The following WDFY4 variants were observed in gnomAD, a reference collection of about 807,000 sequenced individuals.
The protein encoded by WDFY4 is WD repeat- and FYVE domain-containing protein 4.
Under a neutral mutation model 351.9 loss-of-function variants are expected in WDFY4, and 169 were observed. The observed-to-expected ratio is 0.48, with a 90% CI of 0.42 to 0.55. The LOEUF is 0.55. Among genes scored for constraint, WDFY4 ranks in the 20% least tolerant of loss-of-function variants. The pLI, the probability that WDFY4 is intolerant of heterozygous loss-of-function variation, is 0.00. For synonymous variants in WDFY4, 1,622 were observed against 1,574.6 expected (o/e 1.03, Z -0.71); for missense variants, 3,803 against 3,935.6 (o/e 0.97, Z 0.90).
At position 48,743,603 on chromosome 10, in the gene WDFY4, T is replaced by G. The variant is rs1202021272; in HGVS notation, c.2459+55T>G. ...GCATCTCTGTCTCCCATTCTCACTC[T>G]AACGTCTTGCGCATGTGTACTCAGT... On this transcript the variant is annotated intron_variant, in intron 12 of 61. Transcript: ENST00000325239. 2.0e-6 allele frequency: 3 copies of G among 1,488,046 alleles called. No homozygotes were observed. The Admixed American group carries it at 6.2e-5, about 31-fold the overall frequency. 92.2% of individuals were successfully genotyped at this position (1,488,046 alleles called of 1,614,324 possible).
chr10:48,920,904 C>T (rs1378391559), intron 47 of WDFY4, among the ~76,000 whole-genome samples: 1 of 152,112 alleles, frequency 6.6e-6, no homozygotes, highest in Non-Finnish European at 1.5e-5. Context: ...AATAATAATG[C>T]TCCAAATAAT....
At chr10:48,957,379 G>A (rs1589991438) in intron 52 of WDFY4, 97 bp downstream of exon 52, 2 of 1,447,676 alleles carry the variant, frequency 1.4e-6, no homozygotes, top group Non-Finnish European at 1.9e-6. Flanking sequence ...ACCTTTGCTA[G>A]GCCCTCCCCA....
intron 51 of WDFY4, among the ~76,000 whole-genome samples, chr10:48,949,614 G>A (rs1215776499): frequency 2.0e-5 from 3 of 152,214 alleles, no homozygotes; most frequent in South Asian, 2.1e-4. Flanking sequence ...CTCCCAACCT[G>A]GGGTAGATGA....
intron 47 of WDFY4, among the ~76,000 whole-genome samples, chr10:48,908,289 T>C (rs1044202488): frequency 2.0e-5 from 3 of 152,246 alleles, no homozygotes; most frequent in Non-Finnish European, 1.5e-5. Context: ...TGCCCAGGAA[T>C]GCTGATGAGC....
chr10:48,796,193 G>T, intron 23 of WDFY4, 105 bp from the exon 24 acceptor site: 1 of 1,292,234 alleles, frequency 7.7e-7, no homozygotes, highest in Non-Finnish European at 1.0e-6. Context: ...AAGGATGGTA[G>T]CAGCAGAGAG....
At chr10:48,726,139 C>T in intron 6 of WDFY4, 69 bp downstream of exon 6, 1 of 1,469,790 alleles carries the variant, frequency 6.8e-7, no homozygotes, top group Non-Finnish European at 9.1e-7. Context: ...AGAGCAAAGG[C>T]TGAGGGCCCA....
chr10:48,959,259 T>C (rs889982398), intron 52 of WDFY4, among the ~76,000 whole-genome samples: 1 of 152,176 alleles, frequency 6.6e-6, no homozygotes, highest in Admixed American at 6.5e-5. Context: ...AATGCATAAA[T>C]TATCAAGTTA....
intron 13 of WDFY4, among the ~76,000 whole-genome samples, chr10:48,761,672 G>A (rs73308057): frequency 0.01 from 1,527 of 152,312 alleles, 20 homozygotes; most frequent in African/African-American, 0.035. Flanking sequence ...AGAACAAGAC[G>A]AAGTTGGAGT....
chr10:48,780,138 G>A lies in WDFY4; in HGVS notation c.3576+19G>A. On this transcript the variant is annotated intron_variant, in intron 19 of 61. Coordinates refer to ENST00000325239, the MANE Select transcript of WDFY4 (RefSeq NM_001394531.1). ...TGCCAAGGTGAGATGGCTCCTCCAA[G>A]CTGCACTTGCCCCACAACCATACCT... is the stretch of plus-strand genomic sequence containing the variant. 2 of 1,551,414 alleles carry A rather than the reference G, an allele frequency of 1.3e-6. No individual in the cohort carries two copies. Among genetic ancestry groups the A allele is most frequent in the South Asian group, 1.2e-5 (1 of 84,038 alleles).
At chr10:48,920,060 G>A (rs1251674026) in intron 47 of WDFY4, among the ~76,000 whole-genome samples, 1 of 151,818 alleles carries the variant, frequency 6.6e-6, no homozygotes, top group Non-Finnish European at 1.5e-5. Context: ...ATAAATGACA[G>A]CCCAAACTTA....
intron 12 of WDFY4, among the ~76,000 whole-genome samples, chr10:48,754,024 A>G (rs2065257722): frequency 6.6e-6 from 1 of 152,124 alleles, no homozygotes; most frequent in Non-Finnish European, 1.5e-5. Flanking sequence ...TCAGATGATC[A>G]TCTGTTTTTT....
chr10:48,968,855 C>T (rs1446792347), intron 55 of WDFY4: 13 of 565,108 alleles, frequency 2.3e-5, no homozygotes, highest in African/African-American at 3.8e-5. Context: ...CCCCGGGGCC[C>T]GGCTACAGTG....
At chr10:48,885,314 T>C (rs533454184) in intron 43 of WDFY4, among the ~76,000 whole-genome samples, 146 of 152,350 alleles carry the variant, frequency 9.6e-4, no homozygotes, top group African/African-American at 3.2e-3. Context: ...GTCCAAGTTT[T>C]ACAATATTCA....
At chr10:48,875,866 C>T (rs2069981657) in intron 42 of WDFY4, among the ~76,000 whole-genome samples, 1 of 152,198 alleles carries the variant, frequency 6.6e-6, no homozygotes, top group South Asian at 2.1e-4. Flanking sequence ...CTTATTGTGG[C>T]ACAGAGGATA....
intron 47 of WDFY4, among the ~76,000 whole-genome samples, chr10:48,931,008 A>G (rs1466903051): frequency 2.0e-5 from 3 of 152,122 alleles, no homozygotes; most frequent in Non-Finnish European, 4.4e-5. Flanking sequence ...ATGTCTACAT[A>G]GTTTTTAAAT....
chr10:48,853,256 C>T (rs2069017585), intron 39 of WDFY4, among the ~76,000 whole-genome samples: 1 of 152,168 alleles, frequency 6.6e-6, no homozygotes, highest in East Asian at 1.9e-4. Flanking sequence ...GTCCACATGG[C>T]TGTGGACCCC....
chr10:48,707,749 C>T (rs541287351), intron 1 of WDFY4, among the ~76,000 whole-genome samples: 68 of 152,256 alleles, frequency 4.5e-4, no homozygotes, highest in Admixed American at 4.4e-3. Context: ...AAGTTCCATG[C>T]TGGTGGAATC....
At chr10:48,808,499 G>T (rs146341133) in intron 28 of WDFY4, among the ~76,000 whole-genome samples, 1,998 of 152,194 alleles carry the variant, frequency 0.013, 142 homozygotes, top group Admixed American at 0.12. Context: ...TCCAACCTTG[G>T]AGTCGTTCAT....
At chr10:48,821,560 T>C (rs902981039) in intron 34 of WDFY4, among the ~76,000 whole-genome samples, 7 of 152,240 alleles carry the variant, frequency 4.6e-5, no homozygotes, top group Admixed American at 2.6e-4. Flanking sequence ...CTGATGTTTC[T>C]TAAACAATGA....
Sources: allele counts gnomAD v4.1 joint callset (sites outside exome capture counted in the v4.1 genomes callset), GRCh38; gene constraint gnomAD v4.1.1; transcripts MANE v1.5; gene names NCBI Gene and HGNC (gene_info 2026-07-23, HGNC 2026-07-21).